CDH23: variants seen among roughly 807,000 people sequenced by gnomAD.
The protein encoded by CDH23 is cadherin-23.
In CDH23, 189 loss-of-function variants were observed where a neutral mutation model predicts 317.1. The observed-to-expected ratio is 0.60, with a 90% confidence interval of 0.53 to 0.67. The LOEUF is 0.67. Among genes scored for constraint, CDH23 ranks in the 30% least tolerant of loss-of-function variants. The pLI, the probability that CDH23 is intolerant of heterozygous loss-of-function variation, is 0.00. For missense variants in CDH23, 4,401 were observed against 4,592.4 expected (o/e 0.96, Z 1.20); for synonymous variants, 1,839 against 1,876.8 (o/e 0.98, Z 0.52).
At chr10:71,494,853 T>C (rs76491271) in intron 3 of CDH23, among the ~76,000 whole-genome samples, 2,600 of 152,248 alleles carry the variant, frequency 0.017, 60 homozygotes, top group African/African-American at 0.054. Flanking sequence ...GGAAGGCCTC[T>C]GGTAGGATGA....
Position 71,740,960 on chromosome 10 carries a change from G to T in CDH23, c.4617+10G>T, listed in dbSNP as rs1839718134. 1.9e-6 allele frequency: 3 copies of T among 1,613,848 alleles called. No individual in the cohort carries two copies. The highest frequency in any genetic ancestry group is 3.3e-5 in the Admixed American group (2 of 60,028). ...TGTCAGTGTGAATGAGGTGAGGGCA[G>T]CCCCGGGGCCCATATAGCTGGACAT... On this transcript the variant is annotated intron_variant, in intron 37 of 69. Transcript: ENST00000224721.
intron 1 of CDH23, among the ~76,000 whole-genome samples, chr10:71,405,256 G>T (rs1037651176): frequency 6.6e-6 from 1 of 152,032 alleles, no homozygotes; most frequent in African/African-American, 2.4e-5. Flanking sequence ...TCCTTCTCCT[G>T]CTCCGAACTG....
chr10:71,443,598 C>T (rs1229922460), intron 2 of CDH23, among the ~76,000 whole-genome samples: 10 of 152,290 alleles, frequency 6.6e-5, no homozygotes, highest in East Asian at 1.9e-4. Flanking sequence ...GCAGAGAGGG[C>T]GGGAGAGGGC....
chr10:71,667,359 A>AGTGTGTGTGT (rs67337082), intron 14 of CDH23, among the ~76,000 whole-genome samples: 4,304 of 111,668 alleles, frequency 0.039, 109 homozygotes, highest in Non-Finnish European at 0.039. Context: ...AGAGAGAGAG[A>AGTGTGTGTGT]GTGTGTGTGT....
chr10:71,797,923 C>T (rs1352007801), intron 49 of CDH23, among the ~76,000 whole-genome samples: 1 of 152,104 alleles, frequency 6.6e-6, no homozygotes, highest in Admixed American at 6.5e-5. Flanking sequence ...ATGATGACTG[C>T]TTATCTTCAC....
At position 71,537,215 on chromosome 10, in the gene CDH23, C is replaced by T. The variant is rs530664825; in HGVS notation, c.429+26003C>T. Among the ~76,000 whole-genome samples, 5 of 152,026 alleles carry T rather than the reference C, an allele frequency of 3.3e-5. No individual in the cohort carries two copies. The East Asian group carries it at 5.8e-4, about 18-fold the overall frequency. Reference sequence around the variant, plus strand: ...CCCAAGCAGAAGAGCAGCTTGGTTCCCTAATTGAATAATATGTGGAAATAA... The same window carrying T: ...CCCAAGCAGAAGAGCAGCTTGGTTCTCTAATTGAATAATATGTGGAAATAA... On this transcript the variant is annotated intron_variant, in intron 6 of 69. Transcript: ENST00000224721.
At chr10:71,640,646 A>C (rs899811291) in intron 11 of CDH23, among the ~76,000 whole-genome samples, 13 of 152,120 alleles carry the variant, frequency 8.5e-5, no homozygotes, top group African/African-American at 2.7e-4. Flanking sequence ...TACTCGGGAG[A>C]CTGAGGCAGG....
At chr10:71,478,281 G>A (rs1010542398) in intron 3 of CDH23, among the ~76,000 whole-genome samples, 3 of 152,190 alleles carry the variant, frequency 2.0e-5, no homozygotes, top group African/African-American at 7.2e-5. Context: ...TCTTACCACT[G>A]TATGGTTGAC....
chr10:71,803,276 GT>G lies in CDH23; in HGVS notation c.7730del (p.Phe2577SerfsTer3). The G allele has an allele frequency of 6.3e-7, 1 of 1,592,086 alleles. No individual in the cohort carries two copies. Among genetic ancestry groups the G allele is most frequent in the South Asian group, 1.1e-5 (1 of 87,972 alleles). On this transcript the variant is annotated frameshift_variant, in exon 55 of 70. Coordinates refer to ENST00000224721, the MANE Select transcript of CDH23 (RefSeq NM_022124.6). LOFTEE classifies it high-confidence loss of function. Reference protein sequence around the residue: ...TQRPLQSYEKFSLTVVATDGG... With the variant: ...TQRPLQSYEKXSLTVVATDGG... ...AGCGGCCACTGCAGTCCTACGAGAA[GT>G]TCAGTCTGACCGTGGTGGCCACAGA...
At chr10:71,476,891 C>T (rs550465255) in intron 3 of CDH23, among the ~76,000 whole-genome samples, 2 of 152,296 alleles carry the variant, frequency 1.3e-5, no homozygotes, top group Admixed American at 1.3e-4. Context: ...AATCTGGGAA[C>T]AGTGCCTTGG....
chr10:71,486,293 C>G (rs1415086262), intron 3 of CDH23, among the ~76,000 whole-genome samples: 6 of 152,082 alleles, frequency 3.9e-5, no homozygotes, highest in Admixed American at 1.3e-4. Context: ...GGTGGAGACT[C>G]TAGGCACTCT....
At chr10:71,411,731 G>A (rs1278470170) in intron 1 of CDH23, among the ~76,000 whole-genome samples, 4 of 152,174 alleles carry the variant, frequency 2.6e-5, no homozygotes, top group Admixed American at 2.6e-4. Context: ...GATGTTTGCT[G>A]TAGGTTTCTT....
intron 11 of CDH23, among the ~76,000 whole-genome samples, chr10:71,638,472 C>T (rs1868005): frequency 0.035 from 5,338 of 152,284 alleles, 302 homozygotes; most frequent in East Asian, 0.25. Context: ...GCCTCCCTCC[C>T]TTTGGGGGCC....
intron 11 of CDH23, among the ~76,000 whole-genome samples, chr10:71,640,354 C>T (rs1189776069): frequency 6.6e-6 from 1 of 152,236 alleles, no homozygotes; most frequent in East Asian, 1.9e-4. Flanking sequence ...CCTTACAGGC[C>T]AATGCTCTTC....
In CDH23 at chr10:71,777,760, G is replaced by A. The variant is rs2132925827; in HGVS notation, c.4926G>A (p.Leu1642=). The A allele has an allele frequency of 1.9e-6, 3 of 1,613,832 alleles. No individual in the cohort carries two copies. The highest frequency in any genetic ancestry group is 2.5e-6 in the Non-Finnish European group (3 of 1,179,840). Residue 1642 remains leucine, a synonymous_variant, in exon 39 of 70, where the codon CTG becomes CTA. Coordinates refer to ENST00000224721, the MANE Select transcript of CDH23 (RefSeq NM_022124.6). ...PMFQQPHYEV[L]LDEGPDTLNT... ...TCCAGCAGCCCCACTATGAGGTGCT[G>A]CTGGATGAGGGCCCAGACACGCTCA...
At position 71,570,151 on chromosome 10, in the gene CDH23, A is replaced by G. The variant is rs1029334734; in HGVS notation, c.625-639A>G. Among the ~76,000 whole-genome samples, 11 of 152,236 alleles carry G rather than the reference A, an allele frequency of 7.2e-5. No homozygotes were observed. The East Asian group carries it at 2.1e-3, about 29-fold the overall frequency. On this transcript the variant is annotated intron_variant, in intron 7 of 69. Coordinates refer to ENST00000224721, the MANE Select transcript of CDH23 (RefSeq NM_022124.6). ...GTGACCTCTCAGGAGTCTTTCTCGG[A>G]GTCCCCCAGATGTCACAGACCCTGG...
chr10:71,734,389 C>T, intron 33 of CDH23, 48 bp downstream of exon 33: 1 of 1,552,042 alleles, frequency 6.4e-7, no homozygotes, highest in Non-Finnish European at 8.8e-7. Context: ...CCATCGCTGG[C>T]CATGACACTT....
intron 14 of CDH23, among the ~76,000 whole-genome samples, chr10:71,654,960 G>A (rs1350963676): frequency 6.6e-6 from 1 of 152,154 alleles, no homozygotes; most frequent in African/African-American, 2.4e-5. Flanking sequence ...CTCCCCAGCT[G>A]TCAATGGAGA....
intron 1 of CDH23, among the ~76,000 whole-genome samples, chr10:71,405,166 G>C (rs1848036493): frequency 6.6e-6 from 1 of 152,084 alleles, no homozygotes; most frequent in Non-Finnish European, 1.5e-5. Context: ...CTTTTCTTCT[G>C]TTCTTTGCCT....
Sources: allele counts gnomAD v4.1 joint callset (sites outside exome capture counted in the v4.1 genomes callset), GRCh38; gene constraint gnomAD v4.1.1; transcripts MANE v1.5; gene names NCBI Gene and HGNC (gene_info 2026-07-23, HGNC 2026-07-21).